HNF1B: variants seen among roughly 807,000 people sequenced by gnomAD.
HNF1B encodes the protein HNF1 homeobox B.
In HNF1B, 8 loss-of-function variants were observed where a neutral mutation model predicts 61.7. The ratio of observed to expected loss-of-function variants is 0.13; its 90% CI spans 0.08 to 0.23. The LOEUF is 0.23. Among genes scored for constraint, HNF1B ranks in the 10% least tolerant of loss-of-function variants. The pLI, the probability that HNF1B is intolerant of heterozygous loss-of-function variation, is 1.00. For missense variants in HNF1B, 562 were observed against 714.5 expected (o/e 0.79, Z 2.43); for synonymous variants, 314 against 287.7 (o/e 1.09, Z -0.93).
At chr17:37,723,878 G>A (rs2033406394) in intron 4 of HNF1B, among the ~76,000 whole-genome samples, 1 of 152,128 alleles carries the variant, frequency 6.6e-6, no homozygotes, top group South Asian at 2.1e-4. Context: ...CTGCATGAGT[G>A]GATGTCTCCA....
Position 37,744,667 on chromosome 17 carries a change from C to G in HNF1B, c.218G>C (p.Arg73Pro). 1 of 1,613,280 alleles carries G rather than the reference C, an allele frequency of 6.2e-7. No individual in the cohort carries two copies. The highest frequency in any genetic ancestry group is 1.1e-5 in the South Asian group (1 of 91,086). Reference sequence around the variant, plus strand: ...CTCGGAGCCCTCGTCGCCGGACAAGCGGCCCTTGGCGTGGCCGTTGGTGAG... The same window carrying G: ...CTCGGAGCCCTCGTCGCCGGACAAGGGGCCCTTGGCGTGGCCGTTGGTGAG... ...HTLTNGHAKGRLSGDEGSEDG... is the reference protein window; with the variant it reads ...HTLTNGHAKGPLSGDEGSEDG... Residue 73 changes from arginine (R) to proline (P), a missense_variant, in exon 1 of 9, where the codon CGC becomes CCC. Arg to Pro is a moderately radical substitution (Grantham distance 103). Around this residue, in one of 6 missense-constraint regions of HNF1B, gnomAD observed 148 missense variants for 147.3 expected, o/e 1.00. Coordinates refer to ENST00000617811, the MANE Select transcript of HNF1B (RefSeq NM_000458.4).
chr17:37,732,830 GTTGTTTTT>G (rs987821081), intron 3 of HNF1B, among the ~76,000 whole-genome samples: 37 of 145,710 alleles, frequency 2.5e-4, no homozygotes, highest in Admixed American at 9.7e-4. Flanking sequence ...ATAACACAGA[GTTGTTTTT>G]TTGTTTTTTT....
intron 1 of HNF1B, among the ~76,000 whole-genome samples, chr17:37,742,612 G>C (rs1018518872): frequency 6.6e-6 from 1 of 152,128 alleles, no homozygotes; most frequent in African/African-American, 2.4e-5. Context: ...AAAGCCTCCA[G>C]GTCTGTCCCG....
intron 2 of HNF1B, among the ~76,000 whole-genome samples, chr17:37,735,803 G>T (rs2033816357): frequency 6.6e-6 from 1 of 152,138 alleles, no homozygotes; most frequent in South Asian, 2.1e-4. Context: ...CTGTGACCCA[G>T]GCTGGAATGC....
intron 4 of HNF1B, among the ~76,000 whole-genome samples, chr17:37,725,782 G>A (rs1482810520): frequency 1.3e-5 from 2 of 152,224 alleles, no homozygotes; most frequent in African/African-American, 2.4e-5. Context: ...CCCTCCCGCT[G>A]TCTGCTGCCC....
chr17:37,722,967 C>G (rs145437468), intron 4 of HNF1B, among the ~76,000 whole-genome samples: 12 of 152,234 alleles, frequency 7.9e-5, no homozygotes, highest in Admixed American at 7.9e-4. Context: ...CATCCCACAC[C>G]CCTCTACCTG....
chr17:37,742,474 C>G (rs1316453490), intron 1 of HNF1B, among the ~76,000 whole-genome samples: 2 of 152,194 alleles, frequency 1.3e-5, no homozygotes, highest in Non-Finnish European at 1.5e-5. Flanking sequence ...TGCGTGTGCC[C>G]GAGGCTTGGG....
chr17:37,729,343 G>A (rs1375499754), intron 4 of HNF1B: 1 of 151,152 alleles, frequency 6.6e-6, no homozygotes, highest in Non-Finnish European at 1.5e-5. Context: ...TAAGACAGGA[G>A]GACTGCTTGA....
At chr17:37,698,701 G>T (rs1670689409) in intron 8 of HNF1B, among the ~76,000 whole-genome samples, 1 of 152,128 alleles carries the variant, frequency 6.6e-6, no homozygotes, top group South Asian at 2.1e-4. Flanking sequence ...CTCTTGCAAA[G>T]CATGAACCTC....
At chr17:37,731,528 G>T (rs1568663719) in intron 4 of HNF1B, 67 bp downstream of exon 4, 3 of 1,339,484 alleles carry the variant, frequency 2.2e-6, no homozygotes, top group Non-Finnish European at 1.1e-6. Context: ...CCTTAAACCA[G>T]ATAAGATCCG....
At chr17:37,697,985 C>A (rs2032440772) in intron 8 of HNF1B, among the ~76,000 whole-genome samples, 1 of 152,066 alleles carries the variant, frequency 6.6e-6, no homozygotes, top group South Asian at 2.1e-4. Flanking sequence ...AAGCAAATGG[C>A]AGAACCAGGA....
In HNF1B at chr17:37,721,031, G is replaced by A. The variant is rs141987899; in HGVS notation, c.1046-10368C>T. The A allele has an allele frequency of 2.9e-5, 24 of 841,712 alleles. No individual in the cohort carries two copies. In the African/African-American group the frequency reaches 4.4e-4, roughly 15 times the overall value. The allele number at this position is 841,712 out of a possible 1,614,324, so 52.1% of individuals were successfully genotyped here. A position where few individuals can be genotyped will look rare whatever the true frequency, so the allele number is the denominator to read the frequency against. ...TGTTGTTTAAGGGTTTTCCACTCTTGCTGAACAAGAACTCACATAGACTTC... is the reference window on the plus strand; with the variant it reads ...TGTTGTTTAAGGGTTTTCCACTCTTACTGAACAAGAACTCACATAGACTTC... On this transcript the variant is annotated intron_variant, in intron 4 of 8. Coordinates refer to ENST00000617811, the MANE Select transcript of HNF1B (RefSeq NM_000458.4).
intron 1 of HNF1B, among the ~76,000 whole-genome samples, chr17:37,741,048 C>T (rs1488123472): frequency 6.6e-6 from 1 of 151,926 alleles, no homozygotes. Flanking sequence ...AACCAGCACC[C>T]CATTACTGTA....
At chr17:37,741,722 A>G (rs2033997133) in intron 1 of HNF1B, among the ~76,000 whole-genome samples, 1 of 152,214 alleles carries the variant, frequency 6.6e-6, no homozygotes, top group Non-Finnish European at 1.5e-5. Context: ...TCTTTTGTTT[A>G]AATGCCTTTA....
chr17:37,708,533 C>T (rs1440494000), intron 5 of HNF1B, among the ~76,000 whole-genome samples: 1 of 152,142 alleles, frequency 6.6e-6, no homozygotes, highest in African/African-American at 2.4e-5. Flanking sequence ...ACCCCAAGGA[C>T]CTTCAAGCAG....
chr17:37,727,939 G>T (rs1045827509), intron 4 of HNF1B, among the ~76,000 whole-genome samples: 2 of 152,058 alleles, frequency 1.3e-5, no homozygotes, highest in African/African-American at 4.8e-5. Flanking sequence ...AGTCTTTGGG[G>T]TTGCTAGTGC....
rs1269409745 is a variant in HNF1B at position 37,687,277 on chromosome 17, A to G, written c.*95T>C. The G allele has an allele frequency of 6.2e-7, 1 of 1,609,776 alleles. No individual in the cohort carries two copies. The highest frequency in any genetic ancestry group is 8.5e-7 in the Non-Finnish European group (1 of 1,176,680). ...CAGGGACCTCTCGCAGGTGCTGGTC[A>G]GGTCACTGGGCTTTTCCATGACAGC... On this transcript the variant is annotated 3_prime_UTR_variant, in exon 9 of 9. Coordinates refer to ENST00000617811, the MANE Select transcript of HNF1B (RefSeq NM_000458.4).
intron 8 of HNF1B, among the ~76,000 whole-genome samples, chr17:37,691,854 A>G (rs573995797): frequency 4.1e-4 from 63 of 152,274 alleles, no homozygotes; most frequent in African/African-American, 6.5e-4. Flanking sequence ...CGAAGGGGAT[A>G]GATGATGAGG....
At chr17:37,725,829 G>T (rs574099520) in intron 4 of HNF1B, among the ~76,000 whole-genome samples, 1 of 152,232 alleles carries the variant, frequency 6.6e-6, no homozygotes, top group African/African-American at 2.4e-5. Context: ...GAGCTGAGGT[G>T]CTTGCACTGT....
Sources: gnomAD v4.1 joint callset for allele counts (sites outside exome capture counted in the v4.1 genomes callset) on GRCh38, gnomAD v4.1.1 for gene constraint, gnomAD v4.1.1 regional missense constraint, MANE v1.5 for transcripts, NCBI Gene and HGNC (gene_info 2026-07-23, HGNC 2026-07-21) for gene names.